Variants in CAMTA1 observed in about 807,000 individuals in gnomAD.
The protein encoded by CAMTA1 is calmodulin binding transcription activator 1.
Under a neutral mutation model 170.9 loss-of-function variants are expected in CAMTA1, and 27 were observed. The ratio of observed to expected loss-of-function variants is 0.16; its 90% CI spans 0.12 to 0.22. The LOEUF is 0.22. Ranked by LOEUF, CAMTA1 falls within the 10% of genes least tolerant of loss-of-function variation. The pLI, the probability that CAMTA1 is intolerant of heterozygous loss-of-function variation, is 1.00. For missense variants in CAMTA1, 1,619 were observed against 2,217.2 expected, an observed-to-expected ratio of 0.73 and a Z score of 5.42; for synonymous variants, 833 against 891.5, an observed-to-expected ratio of 0.93 and a Z score of 1.17.
At chr1:7,419,620 C>G (rs908807525) in intron 5 of CAMTA1, among the ~76,000 whole-genome samples, 4 of 152,196 alleles carry the variant, frequency 2.6e-5, no homozygotes, top group Admixed American at 6.5e-5. Flanking sequence ...TGGGCCTGGC[C>G]TCTGCCCCTG....
At chr1:6,838,817 T>G (rs938749378) in intron 3 of CAMTA1, among the ~76,000 whole-genome samples, 9 of 152,150 alleles carry the variant, frequency 5.9e-5, no homozygotes, top group Non-Finnish European at 1.3e-4. Flanking sequence ...AGTGCAATGG[T>G]GCGATTATAG....
intron 11 of CAMTA1, among the ~76,000 whole-genome samples, chr1:7,699,082 C>T (rs545803995): frequency 6.6e-6 from 1 of 152,338 alleles, no homozygotes; most frequent in African/African-American, 2.4e-5. Context: ...CATTCTCTTT[C>T]TATTCTCCTT....
At chr1:7,370,914 C>CTTTCTTTTT (rs763145705) in intron 5 of CAMTA1, among the ~76,000 whole-genome samples, 1 of 110,010 alleles carries the variant, frequency 9.1e-6, no homozygotes, top group African/African-American at 3.5e-5. Flanking sequence ...TTCTTTCTTT[C>CTTTCTTTTT]TTTTTTTTTT....
rs527366625 is a variant in CAMTA1, at chr1:7,381,220, C to T, written c.439-86610C>T. Among the ~76,000 whole-genome samples the T allele has an allele frequency of 3.2e-4, 48 of 151,262 alleles. No homozygotes were observed. In the South Asian group the frequency reaches 8.0e-3, roughly 25 times the overall value. ...GCACATTGTGCAGGTTAGTTACATA[C>T]GTATACATGTGCCATGCTGGTGTGC... On this transcript the variant is annotated intron_variant, in intron 5 of 22. Transcript: ENST00000303635.
At chr1:7,655,097 C>A (rs1229017430) in intron 7 of CAMTA1, among the ~76,000 whole-genome samples, 1 of 13,044 alleles carries the variant, frequency 7.7e-5, no homozygotes, top group Non-Finnish European at 1.4e-4. Context: ...CCTATACACA[C>A]ACACCTATAC....
intron 6 of CAMTA1, among the ~76,000 whole-genome samples, chr1:7,493,072 CAG>C (rs760963613): frequency 0.36 from 48,437 of 134,118 alleles, 10,347 homozygotes; most frequent in Middle Eastern, 0.48. Context: ...CGCACACACA[CAG>C]ACATACAAAC....
chr1:7,034,715 A>T (rs1703330046), intron 3 of CAMTA1, among the ~76,000 whole-genome samples: 1 of 152,154 alleles, frequency 6.6e-6, no homozygotes, highest in East Asian at 1.9e-4. Flanking sequence ...TATAGCAAGA[A>T]AGCTGGGGCA....
rs1244314435 is a variant in CAMTA1 at position 7,547,966 on chromosome 1, C to T, written c.510+80065C>T. Among the ~76,000 whole-genome samples the T allele has an allele frequency of 6.6e-6, 1 of 152,046 alleles. No individual in the cohort carries two copies. Among genetic ancestry groups the T allele is most frequent in the East Asian group, 1.9e-4 (1 of 5,186 alleles). On this transcript the variant is annotated intron_variant, in intron 6 of 22. Coordinates refer to ENST00000303635, the MANE Select transcript of CAMTA1 (RefSeq NM_015215.4). This position sits in a 1 kb window ranked among gnomAD's most constrained non-coding sequence, Gnocchi z 5.7. ...TCTCCAGGCTCAGGGGAAACAGTGA[C>T]GTGATTGATTAGTAATGTCTGCCAT...
intron 6 of CAMTA1, among the ~76,000 whole-genome samples, chr1:7,489,527 G>A (rs1465458371): frequency 6.6e-6 from 1 of 152,166 alleles, no homozygotes; most frequent in East Asian, 1.9e-4. Flanking sequence ...TGCGTGTTAG[G>A]GGTCAGGTAG....
intron 3 of CAMTA1, among the ~76,000 whole-genome samples, chr1:6,870,429 T>C (rs1272864032): frequency 6.6e-6 from 1 of 152,210 alleles, no homozygotes; most frequent in African/African-American, 2.4e-5. Context: ...CTGCAAGTTA[T>C]TTTAACAAAA....
intron 3 of CAMTA1, among the ~76,000 whole-genome samples, chr1:6,897,811 A>G (rs1675978333): frequency 6.6e-6 from 1 of 152,248 alleles, no homozygotes; most frequent in Non-Finnish European, 1.5e-5. Flanking sequence ...TTTGAATGTT[A>G]GTAAGGGAAA....
intron 3 of CAMTA1, among the ~76,000 whole-genome samples, chr1:6,884,291 G>GAGACACAC (rs1448763424): frequency 2.9e-5 from 4 of 136,550 alleles, no homozygotes; most frequent in Admixed American, 2.3e-4. Context: ...ATTCTCTAGA[G>GAGACACAC]ACACACACAC....
At chr1:7,147,985 A>G (rs575090721) in intron 4 of CAMTA1, among the ~76,000 whole-genome samples, 1 of 151,546 alleles carries the variant, frequency 6.6e-6, no homozygotes, top group African/African-American at 2.4e-5. Flanking sequence ...ATGCATGCAT[A>G]GAAATATGCA....
At chr1:7,596,866 T>C (rs1219110996) in intron 6 of CAMTA1, among the ~76,000 whole-genome samples, 2 of 130,368 alleles carry the variant, frequency 1.5e-5, no homozygotes, top group Admixed American at 1.7e-4. Flanking sequence ...CCCATGTCTC[T>C]ATCTGCAGGA....
intron 4 of CAMTA1, among the ~76,000 whole-genome samples, chr1:7,198,363 A>C (rs930932519): frequency 2.6e-5 from 4 of 151,536 alleles, no homozygotes; most frequent in Non-Finnish European, 4.4e-5. Context: ...TCCTGACCCC[A>C]ACTCTTCTGG....
intron 1 of CAMTA1, among the ~76,000 whole-genome samples, chr1:6,793,462 C>T (rs1454057000): frequency 6.6e-6 from 1 of 152,110 alleles, no homozygotes; most frequent in Non-Finnish European, 1.5e-5. Flanking sequence ...TTTTTGTGTT[C>T]AACATGTCTA....
chr1:7,725,530 C>A (rs977334013), intron 11 of CAMTA1, among the ~76,000 whole-genome samples: 2 of 152,216 alleles, frequency 1.3e-5, no homozygotes, highest in African/African-American at 4.8e-5. Context: ...TGAGGTGATG[C>A]CTCACATACC....
chr1:7,533,329 A>G (rs532805264), intron 6 of CAMTA1, among the ~76,000 whole-genome samples: 11 of 152,334 alleles, frequency 7.2e-5, no homozygotes, highest in Non-Finnish European at 1.5e-4. Context: ...GAGGTGGGCC[A>G]GGGTTACCTG....
intron 7 of CAMTA1, among the ~76,000 whole-genome samples, chr1:7,643,321 C>T (rs1027466840): frequency 6.6e-6 from 1 of 152,208 alleles, no homozygotes; most frequent in South Asian, 2.1e-4. Context: ...CAGCCCCAAT[C>T]CCCTGGGCCC....
Sources: gnomAD v4.1 joint callset for allele counts (sites outside exome capture counted in the v4.1 genomes callset) on GRCh38, gnomAD v4.1.1 for gene constraint, Gnocchi (gnomAD v3.1) non-coding constraint, MANE v1.5 for transcripts, NCBI Gene and HGNC (gene_info 2026-07-23, HGNC 2026-07-21) for gene names.